LIMCH1: variants seen among roughly 807,000 people sequenced by gnomAD.
LIMCH1 encodes LIM and calponin homology domains-containing protein 1.
A neutral mutation model predicts 176.5 loss-of-function variants in LIMCH1; 113 were observed. That is an observed-to-expected ratio of 0.64 (90% CI 0.55 to 0.75). LIMCH1 has a LOEUF of 0.75. Among genes scored for constraint, LIMCH1 ranks in the 30% least tolerant of loss-of-function variants. LIMCH1 has a pLI of 0.00. For missense variants in LIMCH1, 1,674 were observed against 1,814.9 expected, an observed-to-expected ratio of 0.92 and a Z score of 1.41; for synonymous variants, 619 against 645.9, an observed-to-expected ratio of 0.96 and a Z score of 0.63.
At chr4:41,523,427 G>A (rs1380412194) in intron 2 of LIMCH1, among the ~76,000 whole-genome samples, 1 of 152,130 alleles carries the variant, frequency 6.6e-6, no homozygotes, top group Non-Finnish European at 1.5e-5. Flanking sequence ...TATAAGTACA[G>A]GTGTTGGACC....
chr4:41,674,669 G>T lies in LIMCH1; in HGVS notation c.3439-1713G>T, dbSNP rs7670437. 6.3e-3 allele frequency among the ~76,000 whole-genome samples: 952 copies of T among 152,218 alleles called. 5 individuals are homozygous for T. Among genetic ancestry groups the T allele is most frequent in the African/African-American group, 0.022 (914 of 41,516 alleles). On this transcript the variant is annotated intron_variant, in intron 22 of 31. Transcript: ENST00000503057. ...CCTACTGAATGAACATTATAGCTCA[G>T]CCTAGCCTACCTTAAACGTGCTCAA...
At chr4:41,486,563 G>C (rs1457765422) in intron 1 of LIMCH1, among the ~76,000 whole-genome samples, 1 of 152,092 alleles carries the variant, frequency 6.6e-6, no homozygotes, top group Admixed American at 6.6e-5. Flanking sequence ...TGCTGAGAGG[G>C]GTAGTTGAGA....
chr4:41,450,054 G>C (rs1293858228), intron 1 of LIMCH1, among the ~76,000 whole-genome samples: 1 of 152,156 alleles, frequency 6.6e-6, no homozygotes, highest in East Asian at 1.9e-4. Context: ...AATTACATCT[G>C]TAATGACCCC....
At chr4:41,510,610 T>C (rs746360572) in intron 2 of LIMCH1, among the ~76,000 whole-genome samples, 1 of 151,848 alleles carries the variant, frequency 6.6e-6, no homozygotes, top group South Asian at 2.1e-4. Context: ...TTTTTTGAGA[T>C]GGAGTTTCAT....
chr4:41,366,960 A>G (rs920088779), intron 1 of LIMCH1, among the ~76,000 whole-genome samples: 1 of 152,226 alleles, frequency 6.6e-6, no homozygotes, highest in African/African-American at 2.4e-5. Context: ...ACTTATAATT[A>G]TGATGGAAGG....
intron 18 of LIMCH1, among the ~76,000 whole-genome samples, chr4:41,656,068 A>G (rs960826175): frequency 1.3e-5 from 2 of 152,170 alleles, no homozygotes; most frequent in Non-Finnish European, 2.9e-5. Flanking sequence ...GGCCAAACTC[A>G]CCTATTGGGT....
At chr4:41,561,457 G>A (rs1000683092) in intron 1 of LIMCH1, among the ~76,000 whole-genome samples, 8 of 152,188 alleles carry the variant, frequency 5.3e-5, no homozygotes, top group Admixed American at 6.5e-5. Flanking sequence ...GGCGATGTGT[G>A]AGCAGAATAC....
chr4:41,374,865 C>T (rs953151389), intron 1 of LIMCH1, among the ~76,000 whole-genome samples: 16 of 152,150 alleles, frequency 1.1e-4, no homozygotes, highest in South Asian at 4.1e-4. Flanking sequence ...TGGGAAAGAG[C>T]GACTCCAGTC....
At chr4:41,692,208 A>G in intron 30 of LIMCH1, 74 bp from the exon 31 acceptor site, 1 of 880,618 alleles carries the variant, frequency 1.1e-6, no homozygotes. Context: ...TGCTATTCAC[A>G]TAAACAGTAA....
chr4:41,678,369 G>A (rs778950404), intron 23 of LIMCH1, among the ~76,000 whole-genome samples: 4 of 152,082 alleles, frequency 2.6e-5, no homozygotes, highest in Non-Finnish European at 5.9e-5. Context: ...CTTGCAGAAG[G>A]TTAAGCCTTC....
chr4:41,359,729 GATAA>G (rs1425234651), upstream of LIMCH1: 1 of 152,124 alleles, frequency 6.6e-6, no homozygotes, highest in Admixed American at 6.5e-5. Flanking sequence ...GAAGGGACGA[GATAA>G]ATAAATGCAC....
At chr4:41,399,794 G>A (rs993735574) in intron 1 of LIMCH1, among the ~76,000 whole-genome samples, 4 of 138,702 alleles carry the variant, frequency 2.9e-5, no homozygotes, top group African/African-American at 1.1e-4. Context: ...TGATTCTCCT[G>A]CTTCAGCCTC....
At chr4:41,686,069 C>G (rs1451940298) in intron 28 of LIMCH1, among the ~76,000 whole-genome samples, 1 of 151,980 alleles carries the variant, frequency 6.6e-6, no homozygotes, top group Admixed American at 6.6e-5. Flanking sequence ...GTTTTTAGCC[C>G]ACAAATTTAA....
chr4:41,412,428 G>A (rs1263878277), intron 1 of LIMCH1, among the ~76,000 whole-genome samples: 1 of 152,112 alleles, frequency 6.6e-6, no homozygotes, highest in Non-Finnish European at 1.5e-5. Flanking sequence ...GATAATCCCA[G>A]TATCTACAGA....
At chr4:41,486,306 C>A (rs2069521229) in intron 1 of LIMCH1, among the ~76,000 whole-genome samples, 1 of 152,242 alleles carries the variant, frequency 6.6e-6, no homozygotes, top group Non-Finnish European at 1.5e-5. Flanking sequence ...TGATGGTTTG[C>A]CCAGTGCCTT....
At chr4:41,676,015 G>A (rs938781826) in intron 22 of LIMCH1, among the ~76,000 whole-genome samples, 2 of 152,202 alleles carry the variant, frequency 1.3e-5, no homozygotes, top group African/African-American at 2.4e-5. Context: ...AACTGGTCTC[G>A]TTTGCTTGGA....
intron 1 of LIMCH1, among the ~76,000 whole-genome samples, chr4:41,427,057 A>G (rs931040706): frequency 4.6e-5 from 7 of 152,244 alleles, no homozygotes; most frequent in African/African-American, 1.4e-4. Context: ...TGTTGGGTCA[A>G]TCAAAGAATG....
intron 1 of LIMCH1, among the ~76,000 whole-genome samples, chr4:41,596,674 A>G (rs1262309082): frequency 6.6e-6 from 1 of 152,180 alleles, no homozygotes; most frequent in East Asian, 1.9e-4. Context: ...GTGTCAATCA[A>G]TGAAACATAT....
chr4:41,543,100 C>T (rs573611725), intron 1 of LIMCH1, among the ~76,000 whole-genome samples: 30 of 152,252 alleles, frequency 2.0e-4, no homozygotes, highest in African/African-American at 6.0e-4. Flanking sequence ...AAGAAGGTAA[C>T]GCATGGAACT....
Sources: allele counts gnomAD v4.1 joint callset (sites outside exome capture counted in the v4.1 genomes callset), GRCh38; gene constraint gnomAD v4.1.1; transcripts MANE v1.5; gene names NCBI Gene and HGNC (gene_info 2026-07-23, HGNC 2026-07-21).